The following AHI1 variants were observed in gnomAD, a reference collection of about 807,000 sequenced individuals.
AHI1 encodes the protein jouberin.
Under a neutral mutation model 149.3 loss-of-function variants are expected in AHI1, and 123 were observed. The ratio of observed to expected loss-of-function variants is 0.82; its 90% CI spans 0.71 to 0.96. AHI1 has a LOEUF of 0.96. AHI1 is among the 40% of genes least tolerant of loss of function. The pLI is 0.00. For missense variants in AHI1, 1,439 were observed against 1,422.7 expected (o/e 1.01, Z -0.18); for synonymous variants, 475 against 459.8 (o/e 1.03, Z -0.42).
chr6:135,334,246 G>A (rs1789031923), intron 24 of AHI1, among the ~76,000 whole-genome samples: 2 of 152,114 alleles, frequency 1.3e-5, no homozygotes, highest in South Asian at 4.1e-4. Flanking sequence ...CTTAATCATC[G>A]ATGTGATGAT....
intron 12 of AHI1, among the ~76,000 whole-genome samples, chr6:135,447,667 T>C (rs1427178473): frequency 6.6e-6 from 1 of 152,176 alleles, no homozygotes; most frequent in Non-Finnish European, 1.5e-5. Flanking sequence ...TACAAGAAAC[T>C]AGACAAAAGC....
At chr6:135,313,784 C>T (rs1286860841) in intron 26 of AHI1, among the ~76,000 whole-genome samples, 1 of 152,138 alleles carries the variant, frequency 6.6e-6, no homozygotes, top group Non-Finnish European at 1.5e-5. Context: ...AGGGGCAATA[C>T]CAACTTCACA....
chr6:135,299,027 G>A (rs1398591478), intron 27 of AHI1, among the ~76,000 whole-genome samples: 1 of 151,904 alleles, frequency 6.6e-6, no homozygotes, highest in African/African-American at 2.4e-5. Flanking sequence ...ATTGTTTCTA[G>A]TGTATTTTGT....
Position 135,442,668 on chromosome 6 carries a change from TCTC to T in AHI1, c.1823_1825del (p.Gly608del). ...GAAATCAAGACAAAAACATCCTCGT[TCTC>T]CTGCATTTAGTGAGAAGAGGTGTTT... On this transcript the variant is annotated inframe_deletion, in exon 14 of 29. Coordinates refer to ENST00000265602, the MANE Select transcript of AHI1 (RefSeq NM_001134831.2). 6.2e-7 allele frequency: 1 copy of T among 1,611,522 alleles called. No individual in the cohort carries two copies. The highest frequency in any genetic ancestry group is 8.5e-7 in the Non-Finnish European group (1 of 1,178,686).
At chr6:135,413,405 T>C (rs75943336) in intron 20 of AHI1, among the ~76,000 whole-genome samples, 2,142 of 152,092 alleles carry the variant, frequency 0.014, 54 homozygotes, top group African/African-American at 0.049. Flanking sequence ...CTTCCATTTC[T>C]GACCAAAATG....
intron 5 of AHI1, among the ~76,000 whole-genome samples, chr6:135,475,007 A>C (rs972208740): frequency 2.0e-5 from 3 of 152,210 alleles, no homozygotes; most frequent in African/African-American, 7.2e-5. Context: ...CAAATGTTTG[A>C]GAAAAGTTAC....
chr6:135,363,907 C>T (rs1794405489), intron 23 of AHI1, among the ~76,000 whole-genome samples: 1 of 148,194 alleles, frequency 6.7e-6, no homozygotes, highest in South Asian at 2.1e-4. Flanking sequence ...CCCCCCCCAC[C>T]TCCCTCCCGG....
At chr6:135,407,813 T>C (rs537480107) in intron 21 of AHI1, among the ~76,000 whole-genome samples, 14 of 151,884 alleles carry the variant, frequency 9.2e-5, no homozygotes, top group Non-Finnish European at 1.5e-4. Context: ...GAGATCGAGA[T>C]CATCCTGGCT....
At chr6:135,461,821 AAGTC>A (rs1273406541) in intron 8 of AHI1, among the ~76,000 whole-genome samples, 2 of 152,054 alleles carry the variant, frequency 1.3e-5, no homozygotes, top group African/African-American at 2.4e-5. Context: ...TGAGTAAAAA[AAGTC>A]AGGCACAAGG....
chr6:135,419,348 A>G (rs1482392892), intron 20 of AHI1, among the ~76,000 whole-genome samples: 2 of 152,010 alleles, frequency 1.3e-5, no homozygotes, highest in African/African-American at 4.8e-5. Flanking sequence ...ATGTTATCCA[A>G]CTGAAAATGT....
chr6:135,457,660 G>T lies in AHI1; in HGVS notation c.985C>A (p.Arg329=). The T allele has an allele frequency of 6.2e-7, 1 of 1,613,728 alleles. No individual in the cohort carries two copies. ...CATTTGGGATAAACCGGGCTATCTC[G>T]GCTTGTTATTTCATGAACACCATCA... ...DGDGVHEITS[R]DSPVYPKCLL... is the part of the protein sequence containing the mutation. The change falls in exon 9 of 29, where the codon CGA becomes AGA. Residue 329 remains arginine (R), a synonymous_variant. Coordinates refer to ENST00000265602, the MANE Select transcript of AHI1 (RefSeq NM_001134831.2).
At chr6:135,290,600 C>G in intron 27 of AHI1, 75 bp from the exon 28 acceptor site, 1 of 1,511,054 alleles carries the variant, frequency 6.6e-7, no homozygotes. Flanking sequence ...AGGCTTTGAT[C>G]TAGGGCCGTG....
Position 135,390,404 on chromosome 6 carries a change from A to G in AHI1, c.3109+4372T>C, listed in dbSNP as rs1582987091. Among the ~76,000 whole-genome samples, 3 of 152,290 alleles carry G rather than the reference A, an allele frequency of 2.0e-5. No homozygotes were observed. In the South Asian group the frequency reaches 6.2e-4, roughly 32 times the overall value. On this transcript the variant is annotated intron_variant, in intron 23 of 28. Coordinates refer to ENST00000265602, the MANE Select transcript of AHI1 (RefSeq NM_001134831.2). ...AACCACACCTTTTCCAAAGAGTTAT[A>G]CTGTTTATATTATTACTTTGCAATA...
Position 135,427,169 on chromosome 6 carries a change from T to C in AHI1, c.2762A>G (p.His921Arg), listed in dbSNP as rs772742235. Residue 921 changes from histidine (H) to arginine (R), a missense_variant and splice_region_variant, in exon 20 of 29, where the codon CAT becomes CGT. His to Arg is a conservative substitution (Grantham distance 29, BLOSUM62 0). Coordinates refer to ENST00000265602, the MANE Select transcript of AHI1 (RefSeq NM_001134831.2). ...TACTTATCAAGTGGTAGACTTACCA[T>C]GGAAATCGTAAATATACAGAAGAAT... ...EPILLYIYDF[H>R]VAQQEAEMFK... 18 of 1,609,260 alleles carry C rather than the reference T, an allele frequency of 1.1e-5. No individual in the cohort carries two copies. Among genetic ancestry groups the C allele is most frequent in the Non-Finnish European group, 1.4e-5 (16 of 1,176,976 alleles).
At chr6:135,441,425 A>T (rs1786278735) in intron 14 of AHI1, among the ~76,000 whole-genome samples, 1 of 152,128 alleles carries the variant, frequency 6.6e-6, no homozygotes, top group South Asian at 2.1e-4. Flanking sequence ...AGAAATAATG[A>T]CTGAATACAT....
At position 135,465,864 on chromosome 6, in the gene AHI1, T is replaced by C; in HGVS notation, c.699A>G (p.Glu233=). The stretch of plus-strand genomic sequence containing the variant: ...GAACTTCCTTTTTCTTTTTCCTTTT[T>C]TCACTGCTTAGTTTGTCATCATGGA... The part of the protein sequence containing the change: ...TLFHDDKLSS[E]KRKKKKEVPV... Residue 233 remains glutamate, a synonymous_variant, in exon 7 of 29, where the codon GAA becomes GAG. Transcript: ENST00000265602. 3.3e-6 allele frequency: 5 copies of C among 1,495,740 alleles called. No individual in the cohort carries two copies. Among genetic ancestry groups the C allele is most frequent in the Non-Finnish European group, 4.4e-6 (5 of 1,126,858 alleles). The allele number at this position is 1,495,740 out of a possible 1,614,324, so 92.7% of individuals were successfully genotyped here. A position where few individuals can be genotyped will look rare whatever the true frequency, so the allele number is the denominator to read the frequency against.
chr6:135,352,024 T>C (rs1792192485), intron 24 of AHI1, among the ~76,000 whole-genome samples: 1 of 152,214 alleles, frequency 6.6e-6, no homozygotes, highest in Non-Finnish European at 1.5e-5. Flanking sequence ...CATCTCCAAG[T>C]CTTTTTATAA....
intron 27 of AHI1, among the ~76,000 whole-genome samples, chr6:135,290,980 G>A (rs1007653870): frequency 1.8e-4 from 27 of 150,954 alleles, no homozygotes; most frequent in African/African-American, 5.9e-4. Flanking sequence ...GAAAAGAAAT[G>A]AAGGAAATTT....
At chr6:135,427,997 T>TA (rs145922410) in intron 19 of AHI1, among the ~76,000 whole-genome samples, 52 of 144,878 alleles carry the variant, frequency 3.6e-4, no homozygotes, top group South Asian at 1.3e-3. Context: ...ACAGAAAGAA[T>TA]AAAAAAAAAA....
Sources: allele counts gnomAD v4.1 joint callset (sites outside exome capture counted in the v4.1 genomes callset), GRCh38; gene constraint gnomAD v4.1.1; transcripts MANE v1.5; gene names NCBI Gene and HGNC (gene_info 2026-07-23, HGNC 2026-07-21).